SAMD5: variants seen among roughly 807,000 people sequenced by gnomAD.
The protein encoded by SAMD5 is sterile alpha motif domain-containing protein 5.
SAMD5 carries 13 observed loss-of-function variants against 11.3 expected under a neutral mutation model. That is an observed-to-expected ratio of 1.15 (90% CI 0.75 to 1.83). SAMD5 has a LOEUF of 1.83. Ranked by LOEUF, SAMD5 falls within the 40% of genes most tolerant of loss-of-function variation. SAMD5 has a pLI of 0.00. For missense variants in SAMD5, 255 were observed against 239.1 expected (o/e 1.07, Z -0.44); for synonymous variants, 129 against 111.3 (o/e 1.16, Z -1.00).
At chr6:147,805,241 A>G in the SAMD5 span, among the ~76,000 whole-genome samples, 2 of 152,266 alleles carry the variant, frequency 1.3e-5, no homozygotes. Flanking sequence ...TATTAATTAC[A>G]GACCAGATGC....
At chr6:147,536,173 C>T (rs921051400) in intron 1 of SAMD5, among the ~76,000 whole-genome samples, 18 of 151,982 alleles carry the variant, frequency 1.2e-4, no homozygotes, top group African/African-American at 3.9e-4. Flanking sequence ...TTAGTGCAGA[C>T]GGGATTTCAC....
At position 147,508,934 on chromosome 6, in the gene SAMD5, C is replaced by T; in HGVS notation, c.6C>T (p.Cys2=). The T allele has an allele frequency of 6.3e-7, 1 of 1,593,080 alleles. No homozygotes were observed. M[C]TNIVYEWLKA... ...GCGGGGTTCCCGGTCCCACCATGTGCACCAACATAGTTTACGAGTGGCTCA... is the reference window on the plus strand; with the variant it reads ...GCGGGGTTCCCGGTCCCACCATGTGTACCAACATAGTTTACGAGTGGCTCA... Residue 2 remains cysteine, a synonymous_variant, in exon 1 of 2, where the codon TGC becomes TGT. Transcript: ENST00000367474.
the SAMD5 span, among the ~76,000 whole-genome samples, chr6:147,944,510 C>G: frequency 4.7e-4 from 71 of 152,322 alleles, no homozygotes; most frequent in African/African-American, 1.7e-3. Flanking sequence ...CACCGGTTTC[C>G]TCCCCTAACA....
At position 147,618,455 on chromosome 6, in the gene SAMD5, G is replaced by A. The variant is rs559116202; in HGVS notation, c.162+109068G>A. Among the ~76,000 whole-genome samples the A allele has an allele frequency of 2.2e-4, 33 of 152,324 alleles. No homozygotes were observed. The South Asian group carries it at 6.6e-3, about 31-fold the overall frequency. ...AGGAAGGTGGGGCTGATTGGAGCCT[G>A]GGGCATCTCTGGGAAGTAGGCTGGT... On this transcript the variant is annotated intron_variant, in intron 1 of 1. Coordinates refer to the SAMD5 transcript ENST00000566741.
At chr6:147,820,234 C>T in the SAMD5 span, among the ~76,000 whole-genome samples, 1 of 152,158 alleles carries the variant, frequency 6.6e-6, no homozygotes, top group Non-Finnish European at 1.5e-5. Flanking sequence ...TTAGAATCAA[C>T]ATTTTAAGTT....
At chr6:147,589,009 G>A (rs572006657) in intron 1 of SAMD5, among the ~76,000 whole-genome samples, 23 of 152,046 alleles carry the variant, frequency 1.5e-4, no homozygotes, top group South Asian at 6.2e-4. Flanking sequence ...CGAGGCTGGC[G>A]TGCAGTGGCA....
At chr6:147,920,448 A>C in the SAMD5 span, among the ~76,000 whole-genome samples, 1 of 152,048 alleles carries the variant, frequency 6.6e-6, no homozygotes, top group Admixed American at 6.6e-5. Context: ...AGGTTTTGGG[A>C]CTTGGACTGG....
chr6:147,620,982 G>T (rs1432036311), intron 1 of SAMD5, among the ~76,000 whole-genome samples: 1 of 118,494 alleles, frequency 8.4e-6, no homozygotes, highest in African/African-American at 2.7e-5. Flanking sequence ...GTGTGTGTGT[G>T]TGTGTGTGCG....
chr6:147,570,727 CA>C (rs899315769), downstream of SAMD5, among the ~76,000 whole-genome samples: 19 of 150,568 alleles, frequency 1.3e-4, no homozygotes, highest in African/African-American at 3.4e-4. Flanking sequence ...AAATTTAAAG[CA>C]AAAAAAATAT....
intron 1 of SAMD5, among the ~76,000 whole-genome samples, chr6:147,587,433 C>A (rs1017787762): frequency 6.6e-6 from 1 of 152,054 alleles, no homozygotes; most frequent in East Asian, 1.9e-4. Flanking sequence ...GATAGGATTT[C>A]ATCATGACAG....
At chr6:147,902,505 G>A in the SAMD5 span, among the ~76,000 whole-genome samples, 1 of 152,242 alleles carries the variant, frequency 6.6e-6, no homozygotes, top group East Asian at 1.9e-4. Flanking sequence ...GACCATGGGA[G>A]CCTTACTTTT....
At chr6:147,532,686 T>C (rs1305339753) in intron 1 of SAMD5, among the ~76,000 whole-genome samples, 1 of 152,232 alleles carries the variant, frequency 6.6e-6, no homozygotes, top group Non-Finnish European at 1.5e-5. Flanking sequence ...GTTCTACTTT[T>C]AGTTCTTTAA....
chr6:147,808,912 A>C, the SAMD5 span, among the ~76,000 whole-genome samples: 1 of 152,206 alleles, frequency 6.6e-6, no homozygotes, highest in Non-Finnish European at 1.5e-5. Flanking sequence ...CAATTTCCTC[A>C]TATTAAGCAG....
chr6:147,864,121 C>G, the SAMD5 span, among the ~76,000 whole-genome samples: 1 of 152,128 alleles, frequency 6.6e-6, no homozygotes. Context: ...GGATTACAAG[C>G]ATGAGCCACC....
chr6:147,574,115 G>A (rs1219212834), downstream of SAMD5, among the ~76,000 whole-genome samples: 2 of 146,916 alleles, frequency 1.4e-5, no homozygotes, highest in Non-Finnish European at 3.0e-5. Flanking sequence ...GCGATAGAGC[G>A]AGACTGTGTC....
chr6:147,750,757 A>G, the SAMD5 span, among the ~76,000 whole-genome samples: 3 of 152,168 alleles, frequency 2.0e-5, no homozygotes, highest in South Asian at 2.1e-4. Flanking sequence ...AACCCCATCT[A>G]CTAAACATAC....
the SAMD5 span, among the ~76,000 whole-genome samples, chr6:147,899,491 A>G: frequency 6.6e-6 from 1 of 152,226 alleles, no homozygotes; most frequent in Admixed American, 6.5e-5. Context: ...ACAGAAAAGG[A>G]CATATTTGTC....
chr6:147,585,781 A>G (rs1242602839), intron 1 of SAMD5, among the ~76,000 whole-genome samples: 1 of 152,184 alleles, frequency 6.6e-6, no homozygotes, highest in African/African-American at 2.4e-5. Flanking sequence ...TTTCTAAAGA[A>G]CTTTGATTTT....
chr6:147,908,161 T>C, the SAMD5 span, among the ~76,000 whole-genome samples: 79 of 152,312 alleles, frequency 5.2e-4, no homozygotes, highest in Non-Finnish European at 1.0e-3. Flanking sequence ...GTTTCTATAT[T>C]CCTACATTTG....
Sources: gnomAD v4.1 joint callset for allele counts (sites outside exome capture counted in the v4.1 genomes callset) on GRCh38, gnomAD v4.1.1 for gene constraint, MANE v1.5 for transcripts, NCBI Gene and HGNC (gene_info 2026-07-23, HGNC 2026-07-21) for gene names.